MAGI3: variants seen among roughly 807,000 people sequenced by gnomAD.
MAGI3 encodes the protein membrane associated guanylate kinase, WW and PDZ domain containing 3, also known as membrane-associated guanylate kinase, WW and PDZ domain-containing protein 3.
A neutral mutation model predicts 121.8 loss-of-function variants in MAGI3; 43 were observed. The observed-to-expected ratio is 0.35, with a 90% CI of 0.28 to 0.46. The LOEUF is 0.46. Among genes scored for constraint, MAGI3 ranks in the 20% least tolerant of loss-of-function variants. The pLI, the probability that MAGI3 is intolerant of heterozygous loss-of-function variation, is 1.00. For synonymous variants in MAGI3, 553 were observed against 639.3 expected, an observed-to-expected ratio of 0.86 and a Z score of 2.04; for missense variants, 1,547 against 1,797.3, an observed-to-expected ratio of 0.86 and a Z score of 2.52.
At chr1:113,557,102 C>T (rs1660025923) in intron 2 of MAGI3, among the ~76,000 whole-genome samples, 1 of 152,218 alleles carries the variant, frequency 6.6e-6, no homozygotes, top group Non-Finnish European at 1.5e-5. Context: ...CCATTCCAGC[C>T]TGCGGGCTTT....
At chr1:113,485,434 C>T (rs1656337861) in intron 1 of MAGI3, among the ~76,000 whole-genome samples, 1 of 152,130 alleles carries the variant, frequency 6.6e-6, no homozygotes. Flanking sequence ...TTTCCATATG[C>T]TTGTTGGCCG....
chr1:113,406,352 A>G (rs768334968), intron 1 of MAGI3, among the ~76,000 whole-genome samples: 12 of 151,060 alleles, frequency 7.9e-5, no homozygotes, highest in Non-Finnish European at 1.5e-4. Flanking sequence ...GGAGGCTAAG[A>G]TAAGAGGATC....
chr1:113,594,636 T>C, intron 6 of MAGI3, 76 bp downstream of exon 6: 1 of 1,279,862 alleles, frequency 7.8e-7, no homozygotes, highest in South Asian at 1.4e-5. Flanking sequence ...GATAATGGGT[T>C]TTTCAAAACC....
chr1:113,626,750 A>G (rs1327831758), intron 9 of MAGI3, among the ~76,000 whole-genome samples: 1 of 152,178 alleles, frequency 6.6e-6, no homozygotes, highest in Non-Finnish European at 1.5e-5. Flanking sequence ...AGTTGCTCAT[A>G]ATAGTCTCTA....
chr1:113,627,914 C>G (rs1390907635), intron 9 of MAGI3, among the ~76,000 whole-genome samples: 1 of 151,930 alleles, frequency 6.6e-6, no homozygotes, highest in Non-Finnish European at 1.5e-5. Flanking sequence ...TGTACCTTTA[C>G]AGGTGACATA....
At chr1:113,577,502 T>C (rs978139333) in intron 2 of MAGI3, among the ~76,000 whole-genome samples, 1 of 151,536 alleles carries the variant, frequency 6.6e-6, no homozygotes, top group African/African-American at 2.4e-5. Flanking sequence ...GAAAGCTTTA[T>C]ATAAAATATA....
chr1:113,677,116 G>A (rs1017053287), intron 19 of MAGI3, among the ~76,000 whole-genome samples: 4 of 152,142 alleles, frequency 2.6e-5, no homozygotes, highest in South Asian at 4.2e-4. Flanking sequence ...TCTTCCTTTC[G>A]GTCTGGTTAA....
At chr1:113,525,738 C>A (rs1211092941) in intron 1 of MAGI3, among the ~76,000 whole-genome samples, 1 of 151,752 alleles carries the variant, frequency 6.6e-6, no homozygotes, top group African/African-American at 2.4e-5. Flanking sequence ...TACATATTGG[C>A]CAGGTATGTA....
rs1000261912 is a variant in MAGI3, at chr1:113,508,192, G to A, written c.317-41323G>A. 3.9e-5 allele frequency among the ~76,000 whole-genome samples: 6 copies of A among 152,248 alleles called. No individual in the cohort carries two copies. In the East Asian group the frequency reaches 9.6e-4, roughly 24 times the overall value. ...AATTTTATGAAAATTATAAATTTAT[G>A]AAAAAGTGCAAGTTAAAAAGAAAAG... On this transcript the variant is annotated intron_variant, in intron 1 of 20. Transcript: ENST00000307546.
rs549017622 is a variant in MAGI3 at position 113,424,869 on chromosome 1, C to T, written c.316+33520C>T. ...AAATCTGGGACCAGGTGTGGTGGCT[C>T]ACGCCTGTAATCCCAGCACTTTGGG... On this transcript the variant is annotated intron_variant, in intron 1 of 20. Coordinates refer to ENST00000307546, the MANE Select transcript of MAGI3 (RefSeq NM_001142782.2). Among the ~76,000 whole-genome samples the T allele has an allele frequency of 2.0e-5, 3 of 152,228 alleles. No individual in the cohort carries two copies. In the South Asian group the frequency reaches 6.2e-4, roughly 32 times the overall value.
intron 1 of MAGI3, among the ~76,000 whole-genome samples, chr1:113,434,487 A>G (rs1653465226): frequency 1.3e-5 from 2 of 152,204 alleles, no homozygotes. Flanking sequence ...CCTTTTACTT[A>G]GTAAGCATTC....
chr1:113,390,986 C>G lies in MAGI3; in HGVS notation c.-48C>G. The G allele has an allele frequency of 6.8e-7, 1 of 1,478,354 alleles. No homozygotes were observed. Among genetic ancestry groups the G allele is most frequent in the Non-Finnish European group, 8.9e-7 (1 of 1,117,854 alleles). 91.6% of individuals were successfully genotyped at this position (1,478,354 alleles called of 1,614,324 possible). Reference sequence around the variant, plus strand: ...GGGCTGAGACGGGGCCGGAGCGGCGCCCCGGCCGCCCGCGCGGGGTCTCCC... The same window carrying G: ...GGGCTGAGACGGGGCCGGAGCGGCGGCCCGGCCGCCCGCGCGGGGTCTCCC... On this transcript the variant is annotated 5_prime_UTR_variant, in exon 1 of 21. Transcript: ENST00000307546.
intron 6 of MAGI3, among the ~76,000 whole-genome samples, chr1:113,598,895 C>G (rs1003265530): frequency 6.6e-6 from 1 of 152,164 alleles, no homozygotes; most frequent in African/African-American, 2.4e-5. Flanking sequence ...CACATGGAAC[C>G]TTCTGCAAAG....
In MAGI3 at chr1:113,395,798, T is replaced by C. The variant is rs544520503; in HGVS notation, c.316+4449T>C. On this transcript the variant is annotated intron_variant, in intron 1 of 20. Coordinates refer to ENST00000307546, the MANE Select transcript of MAGI3 (RefSeq NM_001142782.2). ...ATAATTTAGTTTGTAAAACTTTATT[T>C]TCCTAGGTTGAGGCATTTTAATAAT... Among the ~76,000 whole-genome samples the C allele has an allele frequency of 5.3e-5, 8 of 152,192 alleles. 1 individual carries two copies. In the South Asian group the frequency reaches 1.7e-3, roughly 32 times the overall value.
At chr1:113,393,122 C>T (rs1412218254) in intron 1 of MAGI3, among the ~76,000 whole-genome samples, 1 of 152,066 alleles carries the variant, frequency 6.6e-6, no homozygotes, top group Non-Finnish European at 1.5e-5. Context: ...TCTAATCTAC[C>T]TGTTATACAT....
intron 16 of MAGI3, among the ~76,000 whole-genome samples, chr1:113,668,804 G>A (rs900057781): frequency 2.0e-5 from 3 of 151,062 alleles, no homozygotes; most frequent in African/African-American, 4.9e-5. Context: ...GGATGGTCTC[G>A]ATCTCCTGAC....
chr1:113,549,744 G>A (rs1659687868), intron 2 of MAGI3, 113 bp downstream of exon 2: 4 of 556,062 alleles, frequency 7.2e-6, no homozygotes, highest in Admixed American at 3.5e-5. Flanking sequence ...AGACTAAGTT[G>A]GGAACAAGAA....
chr1:113,443,176 A>G (rs1413010985), intron 1 of MAGI3, among the ~76,000 whole-genome samples: 1 of 152,186 alleles, frequency 6.6e-6, no homozygotes, highest in African/African-American at 2.4e-5. Flanking sequence ...TAATTCACAC[A>G]TAATTTTACA....
chr1:113,551,519 A>G (rs749917587), intron 2 of MAGI3, among the ~76,000 whole-genome samples: 12 of 152,186 alleles, frequency 7.9e-5, no homozygotes, highest in Admixed American at 4.6e-4. Context: ...CTCCTTATCT[A>G]TGATTTCCTC....
Sources: allele counts gnomAD v4.1 joint callset (sites outside exome capture counted in the v4.1 genomes callset), GRCh38; gene constraint gnomAD v4.1.1; transcripts MANE v1.5; gene names NCBI Gene and HGNC (gene_info 2026-07-23, HGNC 2026-07-21).